MID1: variants seen among roughly 807,000 people sequenced by gnomAD.
MID1 encodes E3 ubiquitin-protein ligase Midline-1.
A neutral mutation model predicts 40.4 loss-of-function variants in MID1; 7 were observed. The ratio of observed to expected loss-of-function variants is 0.17; its 90% CI spans 0.10 to 0.33. The LOEUF (loss-of-function observed/expected upper bound fraction) is 0.33, where lower values mean the gene tolerates loss of function less well. MID1 is among the 10% of genes least tolerant of loss of function. MID1 has a pLI of 1.00. For missense variants in MID1, 367 were observed against 558.5 expected (o/e 0.66, Z 3.46); for synonymous variants, 229 against 221.2 (o/e 1.04, Z -0.31).
At chrX:10,683,906 G>A (rs898972036) in intron 1 of MID1, among the ~76,000 whole-genome samples, 5 of 105,215 alleles carry the variant, frequency 4.8e-5, no homozygotes, top group African/African-American at 1.8e-4. Context: ...GAGTAGCTGG[G>A]ACTACAGGCA....
intron 3 of MID1, chrX:10,506,390 T>C: frequency 9.4e-7 from 1 of 1,067,643 alleles, no homozygotes; most frequent in Non-Finnish European, 1.3e-6. Flanking sequence ...CAGGGACAAC[T>C]ACGAAGCCAG....
At chrX:10,519,211 T>G (rs1488159651) in intron 3 of MID1, among the ~76,000 whole-genome samples, 3 of 110,192 alleles carry the variant, frequency 2.7e-5, no homozygotes, top group Non-Finnish European at 5.7e-5. Flanking sequence ...CTCAGGTAAT[T>G]TTTTTTTTAA....
intron 1 of MID1, among the ~76,000 whole-genome samples, chrX:10,804,689 T>C: frequency 9.0e-6 from 1 of 111,388 alleles, no homozygotes; most frequent in Non-Finnish European, 1.9e-5. Context: ...TCTTTTATTA[T>C]GCTTGTGCCC....
At chrX:10,703,665 TA>T (rs752362768) in intron 1 of MID1, among the ~76,000 whole-genome samples, 4 of 111,600 alleles carry the variant, frequency 3.6e-5, no homozygotes, top group African/African-American at 9.7e-5. Context: ...AGAGTCTGTT[TA>T]AAAAAAAGTT....
At chrX:10,686,270 CTG>C (rs2043097128) in intron 1 of MID1, among the ~76,000 whole-genome samples, 1 of 110,946 alleles carries the variant, frequency 9.0e-6, no homozygotes, top group Non-Finnish European at 1.9e-5. Flanking sequence ...GGGCAGGGGG[CTG>C]TGTCTAAGGG....
At chrX:10,767,468 C>T (rs2043738579) in intron 1 of MID1, among the ~76,000 whole-genome samples, 1 of 110,545 alleles carries the variant, frequency 9.0e-6, no homozygotes, top group African/African-American at 3.3e-5. Context: ...TAAAGGTGCC[C>T]GCCACCACGC....
At chrX:10,738,949 C>CA (rs377057937) in intron 1 of MID1, among the ~76,000 whole-genome samples, 2,051 of 65,756 alleles carry the variant, frequency 0.031, 28 homozygotes, top group African/African-American at 0.06. Flanking sequence ...CTACTAAAGG[C>CA]AAAAAAAAAA....
intron 3 of MID1, among the ~76,000 whole-genome samples, chrX:10,518,607 G>C (rs1275175213): frequency 9.0e-6 from 1 of 111,522 alleles, no homozygotes; most frequent in African/African-American, 3.3e-5. Flanking sequence ...TTCATTATAG[G>C]AGAATTGGGT....
rs1191096522 is a variant in MID1 at position 10,516,188 on chromosome X, CTTTTTTTTTTTTT to C, written c.756+6891_756+6903del. 4.8e-3 allele frequency among the ~76,000 whole-genome samples: 342 copies of C among 71,482 alleles called. 2 individuals are homozygous for C. The highest frequency in any genetic ancestry group is 0.032 in the Middle Eastern group (3 of 93). The allele number at this position is 71,482 out of a possible 115,157, so 62.1% of individuals were successfully genotyped here. ...TCTTAGGAGTCTACCTGAAGTTGCT[CTTTTTTTTTTTTT>C]TTTTTTTTTTTGAGACGGAGTCTCG... On this transcript the variant is annotated intron_variant, in intron 3 of 9. Transcript: ENST00000317552.
chrX:10,718,386 A>T lies in MID1; in HGVS notation c.-186-97967T>A, dbSNP rs185597673. On this transcript the variant is annotated intron_variant, in intron 1 of 10. Coordinates refer to the MID1 transcript ENST00000380785. Reference sequence around the variant, plus strand: ...GGATATCACCACTGATCCCACAGAAATACAAACTACCATCAGAGAATACTA... The same window carrying T: ...GGATATCACCACTGATCCCACAGAATTACAAACTACCATCAGAGAATACTA... Among the ~76,000 whole-genome samples, 6 of 112,147 alleles carry T rather than the reference A, an allele frequency of 5.4e-5. No individual in the cohort carries two copies. The South Asian group carries it at 2.2e-3, about 42-fold the overall frequency.
chrX:10,704,733 T>TAC lies in MID1; in HGVS notation c.-186-84315_-186-84314insGT, dbSNP rs1477790300. Among the ~76,000 whole-genome samples the TAC allele has an allele frequency of 1.5e-3, 123 of 81,553 alleles. 1 individual carries two copies. Among genetic ancestry groups the TAC allele is most frequent in the African/African-American group, 6.7e-3 (114 of 16,889 alleles). The allele number at this position is 81,553 out of a possible 115,157, so 70.8% of individuals were successfully genotyped here. A position where few individuals can be genotyped will look rare whatever the true frequency, so the allele number is the denominator to read the frequency against. The stretch of plus-strand genomic sequence containing the variant: ...GTGTGTGTGTATATATATATATATA[T>TAC]ATATATACACACACACACACACACA... On this transcript the variant is annotated intron_variant, in intron 1 of 10. Coordinates refer to the MID1 transcript ENST00000380785.
intron 8 of MID1, among the ~76,000 whole-genome samples, chrX:10,456,321 CA>C (rs1470637958): frequency 8.9e-6 from 1 of 112,037 alleles, no homozygotes; most frequent in African/African-American, 3.2e-5. Flanking sequence ...AAGGGCCTGA[CA>C]GTAAATATTT....
At chrX:10,739,966 A>C (rs2043512207) in intron 1 of MID1, among the ~76,000 whole-genome samples, 1 of 112,478 alleles carries the variant, frequency 8.9e-6, no homozygotes, top group African/African-American at 3.2e-5. Flanking sequence ...CAATGCCCCA[A>C]GCGTAGGCAT....
At chrX:10,695,559 T>A (rs1199041050) in intron 1 of MID1, among the ~76,000 whole-genome samples, 1 of 112,281 alleles carries the variant, frequency 8.9e-6, no homozygotes, top group African/African-American at 3.2e-5. Context: ...CCCACCAAAG[T>A]ATTTTTGAAA....
At chrX:10,544,035 T>C (rs1463028807) in intron 2 of MID1, among the ~76,000 whole-genome samples, 1 of 111,137 alleles carries the variant, frequency 9.0e-6, no homozygotes, top group African/African-American at 3.3e-5. Flanking sequence ...CAAAATGTAC[T>C]CAGGCTGTTT....
In MID1 at chrX:10,553,299, C is replaced by CAT. The variant is rs201604929; in HGVS notation, c.660+13587_660+13588dup. Among the ~76,000 whole-genome samples, 1,048 of 108,405 alleles carry CAT rather than the reference C, an allele frequency of 9.7e-3. 17 individuals carry two copies. The highest frequency in any genetic ancestry group is 0.033 in the African/African-American group (989 of 29,839). 94.1% of individuals were successfully genotyped at this position (108,405 alleles called of 115,157 possible). Reference sequence around the variant, plus strand: ...ATATATATATATGTATACACACACACATATATATACGTATGAACCCTGAGT... The same window carrying CAT: ...ATATATATATATGTATACACACACACATATATATATACGTATGAACCCTGAGT... On this transcript the variant is annotated intron_variant, in intron 2 of 9. Coordinates refer to ENST00000317552, the MANE Select transcript of MID1 (RefSeq NM_000381.4).
intron 1 of MID1, among the ~76,000 whole-genome samples, chrX:10,632,811 A>G (rs191407898): frequency 1.8e-5 from 2 of 111,808 alleles, no homozygotes; most frequent in East Asian, 5.6e-4. Context: ...AACATTTTCA[A>G]ATAGTTGAAA....
At chrX:10,760,555 G>A (rs1602561097) in intron 1 of MID1, among the ~76,000 whole-genome samples, 1 of 111,660 alleles carries the variant, frequency 9.0e-6, no homozygotes, top group Admixed American at 9.5e-5. Context: ...AAACAAGGTC[G>A]GGGTGCAGTG....
chrX:10,689,615 A>G (rs1421273037), intron 1 of MID1, among the ~76,000 whole-genome samples: 1 of 111,319 alleles, frequency 9.0e-6, no homozygotes, highest in Non-Finnish European at 1.9e-5. Context: ...ATCTATACCT[A>G]AATCTCTATC....
Sources: gnomAD v4.1 joint callset for allele counts (sites outside exome capture counted in the v4.1 genomes callset) on GRCh38, gnomAD v4.1.1 for gene constraint, MANE v1.5 for transcripts, NCBI Gene and HGNC (gene_info 2026-07-23, HGNC 2026-07-21) for gene names.